LRRC4C: variants seen among roughly 807,000 people sequenced by gnomAD.
The protein encoded by LRRC4C is leucine-rich repeat-containing protein 4C.
LRRC4C carries 5 observed loss-of-function variants against 33.6 expected under a neutral mutation model. The observed-to-expected ratio is 0.15, with a 90% CI of 0.08 to 0.31. The LOEUF is 0.31. Ranked by LOEUF, LRRC4C falls within the 10% of genes least tolerant of loss-of-function variation. LRRC4C has a pLI of 1.00. For missense variants in LRRC4C, 560 were observed against 796.7 expected, an observed-to-expected ratio of 0.70 and a Z score of 3.58; for synonymous variants, 329 against 302.0, an observed-to-expected ratio of 1.09 and a Z score of -0.93.
At chr11:40,880,788 G>T (rs192816457) in intron 2 of LRRC4C, among the ~76,000 whole-genome samples, 4 of 150,844 alleles carry the variant, frequency 2.7e-5, no homozygotes, top group African/African-American at 9.7e-5. Flanking sequence ...AAGCTACTGG[G>T]CTTCCCTGCC....
At chr11:40,500,676 A>G (rs151137039) in intron 3 of LRRC4C, among the ~76,000 whole-genome samples, 1 of 152,182 alleles carries the variant, frequency 6.6e-6, no homozygotes, top group East Asian at 1.9e-4. Context: ...TAGTTCAATT[A>G]TCTCCCACCA....
intron 3 of LRRC4C, among the ~76,000 whole-genome samples, chr11:40,371,019 G>C (rs112318233): frequency 0.01 from 1,523 of 151,892 alleles, 10 homozygotes; most frequent in Non-Finnish European, 0.013. Flanking sequence ...AAAAAATCTT[G>C]TCTAAATACA....
At chr11:40,246,741 A>G (rs1406425169) in intron 4 of LRRC4C, among the ~76,000 whole-genome samples, 1 of 152,190 alleles carries the variant, frequency 6.6e-6, no homozygotes, top group African/African-American at 2.4e-5. Flanking sequence ...TAGATTATAA[A>G]AGTAGGTAGT....
At chr11:41,005,950 C>T (rs1210779343) in intron 1 of LRRC4C, among the ~76,000 whole-genome samples, 1 of 151,808 alleles carries the variant, frequency 6.6e-6, no homozygotes, top group Non-Finnish European at 1.5e-5. Context: ...GTGAAATTTC[C>T]TCCCTCCCTC....
intron 3 of LRRC4C, among the ~76,000 whole-genome samples, chr11:40,325,079 A>T (rs1194781047): frequency 1.3e-5 from 2 of 152,166 alleles, no homozygotes; most frequent in East Asian, 3.9e-4. Context: ...TCTTCTATGA[A>T]CAGATTGGCA....
intron 1 of LRRC4C, among the ~76,000 whole-genome samples, chr11:41,282,405 C>A (rs1163589886): frequency 1.3e-5 from 2 of 152,176 alleles, no homozygotes; most frequent in East Asian, 3.9e-4. Flanking sequence ...GCTTAAAATA[C>A]CCTCTTCAAA....
At chr11:41,314,259 A>G (rs11828833) in intron 1 of LRRC4C, among the ~76,000 whole-genome samples, 4,768 of 152,280 alleles carry the variant, frequency 0.031, 253 homozygotes, top group African/African-American at 0.11. Flanking sequence ...TTGAATGCCT[A>G]AAGTTAAGTT....
At chr11:41,283,773 G>C (rs931748167) in intron 1 of LRRC4C, among the ~76,000 whole-genome samples, 1 of 152,182 alleles carries the variant, frequency 6.6e-6, no homozygotes, top group African/African-American at 2.4e-5. Flanking sequence ...AACAAGAGCA[G>C]AAAGTATACA....
chr11:41,270,402 A>G (rs898573238), intron 1 of LRRC4C, among the ~76,000 whole-genome samples: 3 of 152,118 alleles, frequency 2.0e-5, no homozygotes, highest in African/African-American at 7.2e-5. Context: ...ATAAAGTTGT[A>G]TTAGAAATAA....
At chr11:40,251,079 G>A (rs1866751636) in intron 4 of LRRC4C, among the ~76,000 whole-genome samples, 1 of 152,142 alleles carries the variant, frequency 6.6e-6, no homozygotes, top group African/African-American at 2.4e-5. Context: ...CATTTTGCAA[G>A]AAACAAATGC....
At chr11:40,425,185 G>A (rs748566045) in intron 3 of LRRC4C, among the ~76,000 whole-genome samples, 24 of 151,720 alleles carry the variant, frequency 1.6e-4, no homozygotes, top group Non-Finnish European at 2.9e-5. Flanking sequence ...AATCATATCA[G>A]GATTTAAGAC....
intron 5 of LRRC4C, among the ~76,000 whole-genome samples, chr11:40,232,052 GCT>G (rs550421843): frequency 4.4e-4 from 67 of 152,264 alleles, no homozygotes; most frequent in South Asian, 3.9e-3. Flanking sequence ...TGTCACCCAG[GCT>G]GGAGTGCAGT....
intron 3 of LRRC4C, among the ~76,000 whole-genome samples, chr11:40,629,894 C>A (rs1008349667): frequency 6.6e-6 from 1 of 152,058 alleles, no homozygotes; most frequent in Admixed American, 6.5e-5. Flanking sequence ...GATATAGATA[C>A]AGAGCATATG....
intron 3 of LRRC4C, among the ~76,000 whole-genome samples, chr11:40,637,037 C>G (rs903129889): frequency 1.3e-5 from 2 of 152,154 alleles, no homozygotes; most frequent in African/African-American, 4.8e-5. Context: ...ATCTGGGCCC[C>G]CAGAGCAGCA....
intron 5 of LRRC4C, among the ~76,000 whole-genome samples, chr11:40,151,815 G>A (rs1398686291): frequency 6.6e-6 from 1 of 152,162 alleles, no homozygotes; most frequent in Non-Finnish European, 1.5e-5. Context: ...TCTGTGAGTT[G>A]TTCCCAGAAG....
intron 1 of LRRC4C, among the ~76,000 whole-genome samples, chr11:41,162,900 T>A (rs1057202848): frequency 5.9e-5 from 9 of 152,182 alleles, no homozygotes; most frequent in African/African-American, 2.2e-4. Context: ...ACAATTAACC[T>A]TAGTGATATG....
At chr11:41,418,249 T>C (rs145059676) in intron 1 of LRRC4C, among the ~76,000 whole-genome samples, 53 of 152,090 alleles carry the variant, frequency 3.5e-4, no homozygotes, top group South Asian at 8.3e-4. Context: ...TTCAAAACTA[T>C]GAGAAAATAT....
rs1291367552 is a variant in LRRC4C, at chr11:40,195,106, G to GAAAGAAA, written c.-96+46406_-96+46412dup. On this transcript the variant is annotated intron_variant, in intron 5 of 6. Coordinates refer to ENST00000528697, the MANE Select transcript of LRRC4C (RefSeq NM_001258419.2). ...ACTCCGTCTCAAAGAAAAAAAAAAA[G>GAAAGAAA]AAAGAAAAAAGAAAAAAGGAAGGCT... Among the ~76,000 whole-genome samples the GAAAGAAA allele has an allele frequency of 9.3e-5, 14 of 151,312 alleles. No homozygotes were observed. In the East Asian group the frequency reaches 2.7e-3, roughly 29 times the overall value.
intron 5 of LRRC4C, among the ~76,000 whole-genome samples, chr11:40,223,470 C>G (rs954978739): frequency 6.6e-6 from 1 of 152,122 alleles, no homozygotes; most frequent in African/African-American, 2.4e-5. Flanking sequence ...TAATGAGCAT[C>G]CAGGAGCACT....
Sources: allele counts gnomAD v4.1 joint callset (sites outside exome capture counted in the v4.1 genomes callset), GRCh38; gene constraint gnomAD v4.1.1; transcripts MANE v1.5; gene names NCBI Gene and HGNC (gene_info 2026-07-23, HGNC 2026-07-21).